CSMD1: variants seen among roughly 807,000 people sequenced by gnomAD.
CSMD1 encodes CUB and Sushi multiple domains 1.
A neutral mutation model predicts 417.5 loss-of-function variants in CSMD1; 213 were observed. The observed-to-expected ratio is 0.51, with a 90% CI of 0.46 to 0.57. CSMD1 has a LOEUF of 0.57. Ranked by LOEUF, CSMD1 falls within the 20% of genes least tolerant of loss-of-function variation. CSMD1 has a pLI of 0.00. For synonymous variants in CSMD1, 2,862 were observed against 1,736.8 expected (o/e 1.65, Z -16.11); for missense variants, 6,923 against 4,529.7 (o/e 1.53, Z -15.17).
At chr8:4,958,543 T>C (rs1321473727) in intron 1 of CSMD1, among the ~76,000 whole-genome samples, 2 of 152,194 alleles carry the variant, frequency 1.3e-5, no homozygotes, top group African/African-American at 2.4e-5. Context: ...AGTTAATTTA[T>C]AAGCTCTTGA....
chr8:3,805,928 C>A lies in CSMD1; in HGVS notation c.819-51886G>T, dbSNP rs180731513. On this transcript the variant is annotated intron_variant, in intron 5 of 69. Coordinates refer to ENST00000635120, the MANE Select transcript of CSMD1 (RefSeq NM_033225.6). ...TAGTGGACATGCTCACCAGAAAGCA[C>A]TGACACACCTGCTCTTGAAAGGCTC... is the stretch of plus-strand genomic sequence containing the variant. 4.5e-3 allele frequency among the ~76,000 whole-genome samples: 691 copies of A among 152,272 alleles called. 9 individuals are homozygous for A. The highest frequency in any genetic ancestry group is 4.5e-3 in the Non-Finnish European group (308 of 68,018).
intron 1 of CSMD1, among the ~76,000 whole-genome samples, chr8:4,964,411 T>G (rs1389168874): frequency 7.2e-6 from 1 of 139,610 alleles, no homozygotes; most frequent in Non-Finnish European, 1.5e-5. Context: ...CCCAGCTACC[T>G]GGGAAGCTGA....
At chr8:4,891,482 G>T (rs1352526946) in intron 1 of CSMD1, among the ~76,000 whole-genome samples, 1 of 151,998 alleles carries the variant, frequency 6.6e-6, no homozygotes, top group African/African-American at 2.4e-5. Flanking sequence ...TAATTTGAAA[G>T]GTCTGTAATT....
chr8:3,703,990 G>A (rs1026399998), intron 7 of CSMD1, among the ~76,000 whole-genome samples: 35 of 152,288 alleles, frequency 2.3e-4, no homozygotes, highest in African/African-American at 8.4e-4. Context: ...AGAATCACAT[G>A]AACCCGGGAG....
intron 25 of CSMD1, among the ~76,000 whole-genome samples, chr8:3,287,968 A>G (rs1037257716): frequency 2.0e-5 from 3 of 146,630 alleles, no homozygotes; most frequent in Non-Finnish European, 1.5e-5. Context: ...TTATTTTGAG[A>G]TACGTCCCAT....
intron 1 of CSMD1, among the ~76,000 whole-genome samples, chr8:4,792,439 G>T (rs1490784498): frequency 6.6e-6 from 1 of 152,142 alleles, no homozygotes. Context: ...CAGCCAATCA[G>T]TCTATCTTTG....
At chr8:4,177,719 T>C (rs1437863425) in intron 3 of CSMD1, among the ~76,000 whole-genome samples, 3 of 148,500 alleles carry the variant, frequency 2.0e-5, no homozygotes, top group Non-Finnish European at 4.5e-5. Context: ...AAGAATCAAA[T>C]AGATGCAATA....
chr8:3,426,831 G>T (rs1045540382), intron 12 of CSMD1, among the ~76,000 whole-genome samples: 2 of 152,110 alleles, frequency 1.3e-5, no homozygotes, highest in African/African-American at 4.8e-5. Context: ...GGATGTATTA[G>T]TCCATATTTG....
At position 3,309,535 on chromosome 8, in the gene CSMD1, G is replaced by A. The variant is rs151104451; in HGVS notation, c.3632-1032C>T. Among the ~76,000 whole-genome samples the A allele has an allele frequency of 1.3e-3, 183 of 141,818 alleles. 1 individual carries two copies. Among genetic ancestry groups the A allele is most frequent in the African/African-American group, 4.3e-3 (174 of 40,802 alleles). 93.0% of individuals were successfully genotyped at this position (141,818 alleles called of 152,430 possible). A position where few individuals can be genotyped will look rare whatever the true frequency, so the allele number is the denominator to read the frequency against. On this transcript the variant is annotated intron_variant, in intron 23 of 69. Transcript: ENST00000635120. Reference sequence around the variant, plus strand: ...ACTGAGAGCTGTATATTCCTTTTATGTGAGGCAATATTTTAAGGCCATCTG... The same window carrying A: ...ACTGAGAGCTGTATATTCCTTTTATATGAGGCAATATTTTAAGGCCATCTG...
intron 1 of CSMD1, among the ~76,000 whole-genome samples, chr8:4,642,761 G>C (rs1040625175): frequency 1.3e-5 from 2 of 152,166 alleles, no homozygotes; most frequent in Non-Finnish European, 2.9e-5. Context: ...ATAATTACTT[G>C]GGTAATGCTT....
At chr8:4,646,204 T>C (rs908211091) in intron 1 of CSMD1, among the ~76,000 whole-genome samples, 3 of 152,212 alleles carry the variant, frequency 2.0e-5, no homozygotes, top group African/African-American at 7.2e-5. Context: ...TCTTCCTCTA[T>C]GCATGGTAGA....
intron 5 of CSMD1, among the ~76,000 whole-genome samples, chr8:3,967,083 A>G (rs1280945801): frequency 1.3e-5 from 2 of 152,190 alleles, no homozygotes; most frequent in Non-Finnish European, 2.9e-5. Flanking sequence ...AAGCTATTCT[A>G]ACAAGGAAAG....
rs1258682287 is a variant in CSMD1, at chr8:3,199,769, G to A, written c.5139C>T (p.Leu1713=). Residue 1713 remains leucine, a synonymous_variant, in exon 33 of 70, where the codon CTC becomes CTT. Coordinates refer to ENST00000635120, the MANE Select transcript of CSMD1 (RefSeq NM_033225.6). ...LPLATSNQIL[L]RFSAKSGASA... ...AGGCACCGCTCTTTGCACTGAATCG[G>A]AGCAGAATTTGATTTGACGTAGCCA... 1.3e-6 allele frequency: 2 copies of A among 1,586,234 alleles called. No homozygotes were observed. Among genetic ancestry groups the A allele is most frequent in the Non-Finnish European group, 8.6e-7 (1 of 1,165,822 alleles).
chr8:3,417,047 A>C (rs1813202759), intron 12 of CSMD1, among the ~76,000 whole-genome samples: 1 of 152,228 alleles, frequency 6.6e-6, no homozygotes, highest in African/African-American at 2.4e-5. Context: ...CCAAGAGTTT[A>C]AATCACACCA....
chr8:3,666,228 C>G (rs1036620237), intron 7 of CSMD1, among the ~76,000 whole-genome samples: 6 of 152,068 alleles, frequency 3.9e-5, no homozygotes, highest in Non-Finnish European at 8.8e-5. Flanking sequence ...TTTTCCCCAC[C>G]ACACTGGTGA....
intron 2 of CSMD1, among the ~76,000 whole-genome samples, chr8:4,553,919 A>T (rs1797981098): frequency 6.6e-6 from 1 of 152,158 alleles, no homozygotes; most frequent in Non-Finnish European, 1.5e-5. Context: ...TGACTGGTTC[A>T]GCTGGAATTG....
chr8:3,482,712 T>A (rs1817816792), intron 11 of CSMD1, among the ~76,000 whole-genome samples: 1 of 152,166 alleles, frequency 6.6e-6, no homozygotes, highest in Non-Finnish European at 1.5e-5. Flanking sequence ...TGACAAAAGA[T>A]AAATCACACC....
At chr8:3,816,680 C>G (rs1157459118) in intron 5 of CSMD1, among the ~76,000 whole-genome samples, 6 of 152,070 alleles carry the variant, frequency 3.9e-5, no homozygotes, top group Non-Finnish European at 1.5e-5. Context: ...AGATGGATAT[C>G]TCAATTACAC....
chr8:3,327,475 C>T (rs891207879), intron 23 of CSMD1, among the ~76,000 whole-genome samples: 1 of 152,166 alleles, frequency 6.6e-6, no homozygotes, highest in Admixed American at 6.5e-5. Flanking sequence ...TCTGAGTTTA[C>T]AAGTTAATTT....
Sources: gnomAD v4.1 joint callset for allele counts (sites outside exome capture counted in the v4.1 genomes callset) on GRCh38, gnomAD v4.1.1 for gene constraint, MANE v1.5 for transcripts, NCBI Gene and HGNC (gene_info 2026-07-23, HGNC 2026-07-21) for gene names.